RBMS1: variants seen among roughly 807,000 people sequenced by gnomAD.
RBMS1 encodes RNA-binding motif, single-stranded-interacting protein 1.
Under a neutral mutation model 62.3 loss-of-function variants are expected in RBMS1, and 17 were observed. That is an observed-to-expected ratio of 0.27 (90% CI 0.19 to 0.41). The LOEUF (loss-of-function observed/expected upper bound fraction) is 0.41, where lower values mean the gene tolerates loss of function less well. Ranked by LOEUF, RBMS1 falls within the 10% of genes least tolerant of loss-of-function variation. The pLI is 1.00. For missense variants in RBMS1, 334 were observed against 504.5 expected, an observed-to-expected ratio of 0.66 and a Z score of 3.24; for synonymous variants, 172 against 170.0, an observed-to-expected ratio of 1.01 and a Z score of -0.09.
At chr2:160,470,204 C>T (rs749318364) in intron 1 of RBMS1, among the ~76,000 whole-genome samples, 35 of 152,186 alleles carry the variant, frequency 2.3e-4, no homozygotes, top group Non-Finnish European at 3.8e-4. Context: ...TAGAGTTTTT[C>T]GATTGTCAGT....
At chr2:160,438,312 G>T (rs531788396) in intron 1 of RBMS1, among the ~76,000 whole-genome samples, 1 of 150,634 alleles carries the variant, frequency 6.6e-6, no homozygotes, top group Non-Finnish European at 1.5e-5. Context: ...CGCAGAGGGG[G>T]ATTTGGCAGG....
chr2:160,315,281 C>A (rs191456021), intron 3 of RBMS1, among the ~76,000 whole-genome samples: 33 of 152,272 alleles, frequency 2.2e-4, no homozygotes, highest in Non-Finnish European at 3.7e-4. Flanking sequence ...ACCTTGTGCT[C>A]TTTCATGCTG....
intron 1 of RBMS1, among the ~76,000 whole-genome samples, chr2:160,434,536 A>G (rs1156469432): frequency 6.6e-6 from 1 of 152,058 alleles, no homozygotes; most frequent in Admixed American, 6.5e-5. Context: ...AGTCTCTAAC[A>G]GTGCTATCCA....
intron 1 of RBMS1, among the ~76,000 whole-genome samples, chr2:160,393,670 GGGA>G (rs1415854241): frequency 6.6e-6 from 1 of 151,802 alleles, no homozygotes; most frequent in Non-Finnish European, 1.5e-5. Context: ...CCAGCTACTC[GGGA>G]GGCTGAGGCA....
chr2:160,303,379 T>C lies in RBMS1; in HGVS notation c.511A>G (p.Arg171Gly). ...LKPFGQVIST[R>G]ILRDSSGTSR... is the part of the protein sequence containing the mutation. Reference sequence around the variant, plus strand: ...GTACCACTGGAATCACGTAGTATCCTTGTAGAAATAACTTGTCCAAATGGT... The same window carrying C: ...GTACCACTGGAATCACGTAGTATCCCTGTAGAAATAACTTGTCCAAATGGT... The change falls in exon 5 of 14, where the codon AGG (arginine) becomes GGG (glycine). Residue 171 changes from arginine to glycine, a missense_variant. Transcript: ENST00000348849. The C allele has an allele frequency of 6.2e-7, 1 of 1,613,586 alleles. No homozygotes were observed. Among genetic ancestry groups the C allele is most frequent in the South Asian group, 1.1e-5 (1 of 91,012 alleles).
chr2:160,475,633 G>A (rs189050754), intron 1 of RBMS1, among the ~76,000 whole-genome samples: 4 of 152,300 alleles, frequency 2.6e-5, no homozygotes, highest in Admixed American at 6.5e-5. Context: ...CCAAGTTTGC[G>A]TATGTATGTC....
At chr2:160,431,528 A>G (rs1345513676) in intron 1 of RBMS1, among the ~76,000 whole-genome samples, 1 of 152,150 alleles carries the variant, frequency 6.6e-6, no homozygotes. Context: ...CTTCTACTTG[A>G]TACCTTCCAA....
chr2:160,426,277 G>GA (rs758663165), intron 1 of RBMS1, among the ~76,000 whole-genome samples: 9 of 113,796 alleles, frequency 7.9e-5, no homozygotes, highest in East Asian at 7.7e-4. Context: ...AAGAAAGAAA[G>GA]AAAGAAAGAA....
At chr2:160,490,486 AT>A (rs969657504) in intron 1 of RBMS1, among the ~76,000 whole-genome samples, 60 of 151,782 alleles carry the variant, frequency 4.0e-4, no homozygotes, top group African/African-American at 1.5e-3. Flanking sequence ...TTTTCTAATG[AT>A]TTTTTTTCTT....
chr2:160,450,196 T>G (rs1355121898), intron 1 of RBMS1, among the ~76,000 whole-genome samples: 3 of 152,166 alleles, frequency 2.0e-5, no homozygotes, highest in African/African-American at 7.2e-5. Flanking sequence ...TGCTAAGCAC[T>G]CTATGGGAAT....
intron 1 of RBMS1, among the ~76,000 whole-genome samples, chr2:160,391,211 T>C (rs1386670055): frequency 6.7e-6 from 1 of 148,934 alleles, no homozygotes; most frequent in Non-Finnish European, 1.5e-5. Flanking sequence ...GTATGACTGG[T>C]AGCCTTATTA....
chr2:160,308,249 G>A (rs1462415260), intron 4 of RBMS1, among the ~76,000 whole-genome samples: 2 of 151,982 alleles, frequency 1.3e-5, no homozygotes, highest in East Asian at 3.9e-4. Context: ...ACAAAAATTA[G>A]CCAGGTGTGG....
At chr2:160,356,333 G>T (rs186181569) in intron 2 of RBMS1, among the ~76,000 whole-genome samples, 1 of 152,034 alleles carries the variant, frequency 6.6e-6, no homozygotes, top group Non-Finnish European at 1.5e-5. Context: ...TATTCAAGTG[G>T]ACATAAGAAA....
chr2:160,320,612 G>A (rs1690503364), intron 2 of RBMS1, among the ~76,000 whole-genome samples: 1 of 152,028 alleles, frequency 6.6e-6, no homozygotes, highest in South Asian at 2.1e-4. Context: ...GTGAGAACTG[G>A]TTGTGCAAAG....
chr2:160,462,299 C>T (rs938951121), intron 1 of RBMS1, among the ~76,000 whole-genome samples: 1 of 152,194 alleles, frequency 6.6e-6, no homozygotes, highest in African/African-American at 2.4e-5. Context: ...GGACACAATG[C>T]CTGCCCTCTG....
intron 10 of RBMS1, among the ~76,000 whole-genome samples, chr2:160,279,918 C>CT (rs1414407397): frequency 6.6e-6 from 1 of 152,106 alleles, no homozygotes; most frequent in Non-Finnish European, 1.5e-5. Context: ...TACGTGCAGT[C>CT]TTTTTCTCAA....
At chr2:160,466,181 A>G (rs906271102) in intron 1 of RBMS1, among the ~76,000 whole-genome samples, 17 of 152,168 alleles carry the variant, frequency 1.1e-4, no homozygotes, top group African/African-American at 4.1e-4. Context: ...AATGTATTCA[A>G]TAAATTATAT....
chr2:160,421,423 T>C (rs918055650), intron 1 of RBMS1, among the ~76,000 whole-genome samples: 1 of 152,124 alleles, frequency 6.6e-6, no homozygotes, highest in African/African-American at 2.4e-5. Flanking sequence ...TTGAGATAGT[T>C]TGTTGAGAAT....
intron 1 of RBMS1, among the ~76,000 whole-genome samples, chr2:160,427,821 T>G (rs181218854): frequency 6.6e-6 from 1 of 152,338 alleles, no homozygotes; most frequent in African/African-American, 2.4e-5. Context: ...GAATGTTAAG[T>G]TGAATTTCAT....
Sources: allele counts gnomAD v4.1 joint callset (sites outside exome capture counted in the v4.1 genomes callset), GRCh38; gene constraint gnomAD v4.1.1; transcripts MANE v1.5; gene names NCBI Gene and HGNC (gene_info 2026-07-23, HGNC 2026-07-21).